The following CACNA1C variants were observed in gnomAD, a reference collection of about 807,000 sequenced individuals.
CACNA1C encodes the protein calcium voltage-gated channel subunit alpha1 C.
CACNA1C carries 30 observed loss-of-function variants against 229.0 expected under a neutral mutation model. The observed-to-expected ratio is 0.13, with a 90% confidence interval of 0.10 to 0.18. The LOEUF is 0.18. Ranked by LOEUF, CACNA1C falls within the 10% of genes least tolerant of loss-of-function variation. The pLI, the probability that CACNA1C is intolerant of heterozygous loss-of-function variation, is 1.00. For missense variants in CACNA1C, 1,658 were observed against 2,845.0 expected, an observed-to-expected ratio of 0.58 and a Z score of 9.49; for synonymous variants, 1,114 against 1,132.5, an observed-to-expected ratio of 0.98 and a Z score of 0.33.
chr12:2,507,087 T>C (rs943558125), intron 8 of CACNA1C, among the ~76,000 whole-genome samples: 1 of 152,344 alleles, frequency 6.6e-6, no homozygotes, highest in African/African-American at 2.4e-5. Context: ...AAAATGTTGG[T>C]TGACTCAGAA....
In CACNA1C at chr12:2,653,095, A is replaced by G. The variant is rs2095185802; in HGVS notation, c.4075-740A>G. Among the ~76,000 whole-genome samples, 1 of 152,210 alleles carries G rather than the reference A, an allele frequency of 6.6e-6. No homozygotes were observed. The highest frequency in any genetic ancestry group is 6.5e-5 in the Admixed American group (1 of 15,284). On this transcript the variant is annotated intron_variant, in intron 32 of 46. Transcript: ENST00000399655. The surrounding 1 kb of genome is among the most constrained non-coding windows in gnomAD (Gnocchi z 4.7). ...GGACCATGGCCTGTCCCCAGAAGTC[A>G]CGGGGGCTCTGGAAAATTAGTTGTC...
chr12:2,442,200 T>C (rs1423819647), intron 3 of CACNA1C, among the ~76,000 whole-genome samples: 1 of 152,190 alleles, frequency 6.6e-6, no homozygotes, highest in Non-Finnish European at 1.5e-5. Flanking sequence ...TGGTAATATA[T>C]ACGTGAGAAG....
intron 3 of CACNA1C, among the ~76,000 whole-genome samples, chr12:2,286,826 A>G (rs1015231440): frequency 6.6e-6 from 1 of 152,260 alleles, no homozygotes; most frequent in African/African-American, 2.4e-5. Context: ...AGCAATGCTC[A>G]TAACAGGAGA....
intron 29 of CACNA1C, among the ~76,000 whole-genome samples, chr12:2,616,063 G>T (rs1308307482): frequency 6.6e-6 from 1 of 152,136 alleles, no homozygotes; most frequent in African/African-American, 2.4e-5. Context: ...AGAGGAGGAC[G>T]CTGGAAGGGC....
At chr12:2,164,712 A>C (rs2096117868) in intron 3 of CACNA1C, among the ~76,000 whole-genome samples, 1 of 152,268 alleles carries the variant, frequency 6.6e-6, no homozygotes, top group Admixed American at 6.5e-5. Flanking sequence ...CTTGGGTTTC[A>C]GTCTTAGCCC....
intron 3 of CACNA1C, among the ~76,000 whole-genome samples, chr12:2,360,478 GA>G (rs1437587419): frequency 6.6e-6 from 1 of 152,178 alleles, no homozygotes; most frequent in African/African-American, 2.4e-5. Context: ...AGGGTGCTGG[GA>G]AAAATGCTCA....
chr12:2,026,048 C>T (rs983649617), intron 1 of CACNA1C, among the ~76,000 whole-genome samples: 23 of 152,156 alleles, frequency 1.5e-4, no homozygotes, highest in African/African-American at 4.6e-4. Flanking sequence ...CTGGCAATGT[C>T]GGAAAGTTTC....
intron 11 of CACNA1C, among the ~76,000 whole-genome samples, chr12:2,564,486 C>G (rs763681437): frequency 1.3e-5 from 2 of 152,168 alleles, no homozygotes; most frequent in African/African-American, 2.4e-5. Context: ...GCCTTCATTA[C>G]CCAGGCAGGA....
chr12:2,418,195 G>C (rs1185995231), intron 3 of CACNA1C, among the ~76,000 whole-genome samples: 5 of 152,136 alleles, frequency 3.3e-5, no homozygotes, highest in Admixed American at 2.0e-4. Flanking sequence ...GGCTTCTCCT[G>C]GGCTGCGGGT....
chr12:2,640,482 A>G (rs1303848028), intron 30 of CACNA1C, among the ~76,000 whole-genome samples: 2 of 152,222 alleles, frequency 1.3e-5, no homozygotes, highest in African/African-American at 4.8e-5. Flanking sequence ...AATGCAGGCT[A>G]CACACCCGGA....
chr12:2,669,519 T>C (rs1051133107), intron 38 of CACNA1C, among the ~76,000 whole-genome samples: 5 of 152,208 alleles, frequency 3.3e-5, no homozygotes, highest in African/African-American at 1.2e-4. Flanking sequence ...CTGGGTGGTA[T>C]CTTGAAGTCA....
At chr12:2,543,210 T>G (rs2099875548) in intron 9 of CACNA1C, among the ~76,000 whole-genome samples, 1 of 152,196 alleles carries the variant, frequency 6.6e-6, no homozygotes, top group Non-Finnish European at 1.5e-5. Context: ...GCATTCTCCT[T>G]CCCAGATCCA....
chr12:2,101,001 CAAA>C (rs551820516), intron 1 of CACNA1C, among the ~76,000 whole-genome samples: 3 of 72,278 alleles, frequency 4.2e-5, no homozygotes, highest in Admixed American at 1.7e-4. Flanking sequence ...AGACCCATCT[CAAA>C]AAAAAAAAAA....
At chr12:2,004,665 T>C in intron 1 of CACNA1C, 1 of 560,864 alleles carries the variant, frequency 1.8e-6, no homozygotes, top group Non-Finnish European at 3.1e-6. Flanking sequence ...AGCCCAGGCC[T>C]GCCCTCTGCA....
chr12:2,029,881 C>G lies in CACNA1C; in HGVS notation c.139+58680C>G, dbSNP rs946014805. Among the ~76,000 whole-genome samples, 1 of 152,224 alleles carries G rather than the reference C, an allele frequency of 6.6e-6. No homozygotes were observed. Among genetic ancestry groups the G allele is most frequent in the African/African-American group, 2.4e-5 (1 of 41,456 alleles). On this transcript the variant is annotated intron_variant, in intron 1 of 46. Coordinates refer to the CACNA1C transcript ENST00000682462. The surrounding 1 kb of genome is among the most constrained non-coding windows in gnomAD (Gnocchi z 4.9). The stretch of plus-strand genomic sequence containing the variant: ...GTTAGGTTCCCTGCCTGTCACTGCT[C>G]TTGTGCCCAGGTGTTTGTGAGGGCA...
At chr12:2,641,660 T>G (rs2093707891) in intron 30 of CACNA1C, 1 of 700,042 alleles carries the variant, frequency 1.4e-6, no homozygotes, top group African/African-American at 1.7e-5. Context: ...TCATTCATGC[T>G]GGGTGGTAGC....
Position 2,135,572 on chromosome 12 carries a change from G to C in CACNA1C, c.477+15142G>C, listed in dbSNP as rs1290263825. On this transcript the variant is annotated intron_variant, in intron 3 of 46. Coordinates refer to ENST00000399655, the MANE Select transcript of CACNA1C (RefSeq NM_000719.7). The stretch of plus-strand genomic sequence containing the variant: ...TCTGTTGGAGTACCCTGCTGTGAGA[G>C]GTGTCAGTCTGCCCCTGCTGGGGGG... Among the ~76,000 whole-genome samples the C allele has an allele frequency of 4.5e-5, 6 of 134,602 alleles. 2 individuals are homozygous for C. The highest frequency in any genetic ancestry group is 1.4e-4 in the African/African-American group (4 of 29,208). The allele number at this position is 134,602 out of a possible 152,430, so 88.3% of individuals were successfully genotyped here. A position where few individuals can be genotyped will look rare whatever the true frequency, so the allele number is the denominator to read the frequency against.
At chr12:2,657,471 C>A (rs1274432406) in intron 34 of CACNA1C, among the ~76,000 whole-genome samples, 2 of 150,832 alleles carry the variant, frequency 1.3e-5, no homozygotes, top group Non-Finnish European at 3.0e-5. Flanking sequence ...AGGTCAATCA[C>A]TAAAAAAATA....
chr12:2,645,190 T>G (rs1440928115), intron 30 of CACNA1C, among the ~76,000 whole-genome samples: 2 of 152,056 alleles, frequency 1.3e-5, no homozygotes, highest in Non-Finnish European at 2.9e-5. Flanking sequence ...AATGTTCAGG[T>G]TATGTAAGCA....
Sources: gnomAD v4.1 joint callset for allele counts (sites outside exome capture counted in the v4.1 genomes callset) on GRCh38, gnomAD v4.1.1 for gene constraint, Gnocchi (gnomAD v3.1) non-coding constraint, MANE v1.5 for transcripts, NCBI Gene and HGNC (gene_info 2026-07-23, HGNC 2026-07-21) for gene names.